ZNF536: variants seen among roughly 807,000 people sequenced by gnomAD.
ZNF536 encodes zinc finger protein 536.
ZNF536 carries 13 observed loss-of-function variants against 84.5 expected under a neutral mutation model. That is an observed-to-expected ratio of 0.15 (90% CI 0.10 to 0.24). The LOEUF (loss-of-function observed/expected upper bound fraction) is 0.24. ZNF536 is among the 10% of genes least tolerant of loss of function. The probability of loss-of-function intolerance (pLI) is 1.00; values close to 1 mark genes in which losing one functional copy is unlikely to be tolerated. For missense variants in ZNF536, 1,536 were observed against 1,747.5 expected (o/e 0.88, Z 2.16); for synonymous variants, 811 against 742.5 (o/e 1.09, Z -1.50).
At chr19:30,691,647 G>A (rs2051413971) in intron 1 of ZNF536, among the ~76,000 whole-genome samples, 1 of 152,102 alleles carries the variant, frequency 6.6e-6, no homozygotes, top group Non-Finnish European at 1.5e-5. Context: ...GATGTGTATT[G>A]TGAAGTCTTT....
chr19:30,664,737 AC>A (rs911573129), intron 1 of ZNF536, among the ~76,000 whole-genome samples: 1 of 152,168 alleles, frequency 6.6e-6, no homozygotes, highest in Non-Finnish European at 1.5e-5. Context: ...TGGCCTTTGA[AC>A]ACACTCTGCT....
At chr19:30,277,447 A>G (rs1350744644) in intron 1 of ZNF536, among the ~76,000 whole-genome samples, 1 of 152,190 alleles carries the variant, frequency 6.6e-6, no homozygotes, top group Non-Finnish European at 1.5e-5. Context: ...TCCTGAAAGC[A>G]TTTAGATCGA....
intron 1 of ZNF536, among the ~76,000 whole-genome samples, chr19:30,653,097 G>C (rs1434560072): frequency 6.6e-6 from 1 of 152,214 alleles, no homozygotes; most frequent in Non-Finnish European, 1.5e-5. Flanking sequence ...CCAAGTCCTG[G>C]AGAGGAGAGA....
intron 2 of ZNF536, among the ~76,000 whole-genome samples, chr19:30,493,069 C>G (rs2054569699): frequency 7.1e-6 from 1 of 140,058 alleles, no homozygotes; most frequent in Admixed American, 7.2e-5. Context: ...CCTTAAATAT[C>G]TCTCTTGCAA....
chr19:30,333,855 C>T (rs1241855415), intron 2 of ZNF536, among the ~76,000 whole-genome samples: 1 of 152,180 alleles, frequency 6.6e-6, no homozygotes, highest in East Asian at 1.9e-4. Flanking sequence ...CTGCTGTCCT[C>T]ATTAGGGGCT....
At chr19:30,620,347 AAC>A (rs5827722) in intron 1 of ZNF536, among the ~76,000 whole-genome samples, 145,250 of 150,392 alleles carry the variant, frequency 0.97, 70,256 homozygotes, top group Non-Finnish European at 0.99. Flanking sequence ...ACATTTTTAA[AAC>A]ACACACACAC....
chr19:30,475,916 C>A (rs1316380437), intron 2 of ZNF536, among the ~76,000 whole-genome samples: 1 of 152,168 alleles, frequency 6.6e-6, no homozygotes, highest in Non-Finnish European at 1.5e-5. Flanking sequence ...CTGCTTTCTC[C>A]TATGAAGCTC....
At chr19:30,602,866 T>A (rs1375013537) in intron 1 of ZNF536, among the ~76,000 whole-genome samples, 1 of 152,196 alleles carries the variant, frequency 6.6e-6, no homozygotes, top group Non-Finnish European at 1.5e-5. Flanking sequence ...GAGACCTTAA[T>A]CCTGCCTTTG....
At chr19:30,464,777 G>T (rs2053309881) in intron 2 of ZNF536, among the ~76,000 whole-genome samples, 1 of 152,052 alleles carries the variant, frequency 6.6e-6, no homozygotes, top group Admixed American at 6.5e-5. Context: ...GAACATGAGT[G>T]CCCAGGAGGG....
At chr19:30,251,815 G>A (rs1249519684) in intron 1 of ZNF536, among the ~76,000 whole-genome samples, 1 of 152,146 alleles carries the variant, frequency 6.6e-6, no homozygotes, top group Admixed American at 6.5e-5. Flanking sequence ...TCCCACTTAT[G>A]AGTGAGAACA....
intron 1 of ZNF536, among the ~76,000 whole-genome samples, chr19:30,396,271 G>T (rs1159533184): frequency 6.6e-6 from 1 of 152,158 alleles, no homozygotes; most frequent in African/African-American, 2.4e-5. Context: ...TGGGAATTTG[G>T]AATGGAGAAT....
At chr19:30,567,975 T>C (rs1003913580) in intron 1 of ZNF536, among the ~76,000 whole-genome samples, 2 of 152,170 alleles carry the variant, frequency 1.3e-5, no homozygotes, top group Non-Finnish European at 2.9e-5. Context: ...TACAAACCAG[T>C]AATAAAAGGA....
At chr19:30,685,476 C>A (rs1333016290) in intron 1 of ZNF536, among the ~76,000 whole-genome samples, 2 of 152,096 alleles carry the variant, frequency 1.3e-5, no homozygotes, top group Admixed American at 6.5e-5. Context: ...GTATCCCCAT[C>A]CAGCTTGGCT....
At chr19:30,338,241 T>C (rs919051175) in intron 2 of ZNF536, among the ~76,000 whole-genome samples, 7 of 151,706 alleles carry the variant, frequency 4.6e-5, no homozygotes, top group Non-Finnish European at 8.8e-5. Flanking sequence ...ATGGTGATTA[T>C]GACAATGATG....
intron 1 of ZNF536, among the ~76,000 whole-genome samples, chr19:30,609,895 T>TATCCATCCATCC (rs202076068): frequency 3.4e-4 from 48 of 140,974 alleles, no homozygotes; most frequent in South Asian, 2.6e-3. Flanking sequence ...TCCACCCATT[T>TATCCATCCATCC]ATCCATCCAT....
chr19:30,514,166 G>A (rs2055536752), intron 2 of ZNF536, among the ~76,000 whole-genome samples: 1 of 152,202 alleles, frequency 6.6e-6, no homozygotes, highest in African/African-American at 2.4e-5. Flanking sequence ...CCCCTAAGGA[G>A]AGGAGCACAG....
chr19:30,390,647 A>T (rs985853425), intron 1 of ZNF536, among the ~76,000 whole-genome samples: 1 of 152,204 alleles, frequency 6.6e-6, no homozygotes, highest in Admixed American at 6.5e-5. Flanking sequence ...TTCCAAATCT[A>T]TCGGAGCCTG....
At position 30,351,374 on chromosome 19, in the gene ZNF536, G is replaced by C. The variant is rs1182102310; in HGVS notation, c.-119-994G>C. ...CTTTTTGGACAATATCTAGTTACTG[G>C]GTAGTGAATTAATAGAGTTAAGGGT... is the stretch of plus-strand genomic sequence containing the variant. On this transcript the variant is annotated intron_variant, in intron 2 of 5. Coordinates refer to the ZNF536 transcript ENST00000585628. Among the ~76,000 whole-genome samples the C allele has an allele frequency of 4.6e-5, 7 of 152,224 alleles. No homozygotes were observed. In the East Asian group the frequency reaches 9.7e-4, roughly 21 times the overall value.
chr19:30,461,987 G>A (rs2053159788), intron 2 of ZNF536, among the ~76,000 whole-genome samples: 1 of 152,180 alleles, frequency 6.6e-6, no homozygotes, highest in Admixed American at 6.5e-5. Flanking sequence ...AAGAGAAAGA[G>A]AAGAAGGAGA....
Sources: allele counts gnomAD v4.1 joint callset (sites outside exome capture counted in the v4.1 genomes callset), GRCh38; gene constraint gnomAD v4.1.1; transcripts MANE v1.5; gene names NCBI Gene and HGNC (gene_info 2026-07-23, HGNC 2026-07-21).